Variants in SYNPR observed in about 807,000 individuals in gnomAD.
The protein encoded by SYNPR is synaptoporin.
Under a neutral mutation model 32.9 loss-of-function variants are expected in SYNPR, and 23 were observed. The ratio of observed to expected loss-of-function variants is 0.70; its 90% confidence interval spans 0.50 to 0.99. The LOEUF (loss-of-function observed/expected upper bound fraction) is 0.99. SYNPR is among the 50% of genes least tolerant of loss of function. The pLI, the probability that SYNPR is intolerant of heterozygous loss-of-function variation, is 0.00. For missense variants in SYNPR, 318 were observed against 349.3 expected, an observed-to-expected ratio of 0.91 and a Z score of 0.71; for synonymous variants, 146 against 135.9, an observed-to-expected ratio of 1.07 and a Z score of -0.52.
chr3:63,505,132 G>C (rs1282088889), intron 3 of SYNPR, among the ~76,000 whole-genome samples: 1 of 152,176 alleles, frequency 6.6e-6, no homozygotes, highest in African/African-American at 2.4e-5. Flanking sequence ...CCAGCACTGT[G>C]CCAAGCGCTT....
chr3:63,350,032 T>C (rs1435641146), intron 2 of SYNPR, among the ~76,000 whole-genome samples: 1 of 152,224 alleles, frequency 6.6e-6, no homozygotes, highest in Non-Finnish European at 1.5e-5. Flanking sequence ...TTGCAGTCTC[T>C]TTAAACTAAA....
At chr3:63,414,019 TATATAG>T (rs921419259) in intron 2 of SYNPR, among the ~76,000 whole-genome samples, 2 of 149,996 alleles carry the variant, frequency 1.3e-5, no homozygotes, top group Admixed American at 1.3e-4. Context: ...CATATATATA[TATATAG>T]AGAGAGAGAG....
intron 3 of SYNPR, among the ~76,000 whole-genome samples, chr3:63,529,518 G>A (rs1341147310): frequency 1.2e-4 from 19 of 152,058 alleles, no homozygotes; most frequent in East Asian, 1.9e-4. Flanking sequence ...TGGCTTCCCC[G>A]TGCTCCATAC....
intron 3 of SYNPR, among the ~76,000 whole-genome samples, chr3:63,512,118 TG>T (rs1175105659): frequency 1.3e-5 from 2 of 152,066 alleles, no homozygotes; most frequent in Non-Finnish European, 1.5e-5. Flanking sequence ...TATAAACAAA[TG>T]GGAAGAATCT....
chr3:63,249,344 T>C (rs1392043976), intron 1 of SYNPR, among the ~76,000 whole-genome samples: 20 of 152,156 alleles, frequency 1.3e-4, no homozygotes, highest in Non-Finnish European at 1.0e-4. Context: ...TGCGATAGTG[T>C]AGTCTTTTTG....
chr3:63,315,543 C>T (rs138381468), intron 2 of SYNPR, among the ~76,000 whole-genome samples: 29 of 151,796 alleles, frequency 1.9e-4, no homozygotes, highest in Non-Finnish European at 3.2e-4. Context: ...TCTGTTTGGT[C>T]GCTGTTGATG....
intron 2 of SYNPR, among the ~76,000 whole-genome samples, chr3:63,281,150 A>G (rs780154484): frequency 1.3e-5 from 2 of 152,176 alleles, no homozygotes; most frequent in Non-Finnish European, 1.5e-5. Flanking sequence ...GTGATTTCTT[A>G]TAGATGGTAG....
chr3:63,268,263 A>C (rs907567300), intron 3 of SYNPR, among the ~76,000 whole-genome samples: 1 of 152,236 alleles, frequency 6.6e-6, no homozygotes, highest in African/African-American at 2.4e-5. Context: ...TGATCAAATC[A>C]ATTGATCCAC....
intron 2 of SYNPR, among the ~76,000 whole-genome samples, chr3:63,391,941 TC>T (rs1452736919): frequency 6.6e-6 from 1 of 152,212 alleles, no homozygotes; most frequent in Non-Finnish European, 1.5e-5. Context: ...GTGATTTCTT[TC>T]TTAATGACCA....
intron 1 of SYNPR, among the ~76,000 whole-genome samples, chr3:63,240,567 G>A (rs1411098853): frequency 6.6e-6 from 1 of 152,066 alleles, no homozygotes; most frequent in Non-Finnish European, 1.5e-5. Flanking sequence ...AGGTGGGGGA[G>A]TAAGCGAGAG....
intron 2 of SYNPR, among the ~76,000 whole-genome samples, chr3:63,421,873 T>A (rs1699807512): frequency 6.6e-6 from 1 of 152,230 alleles, no homozygotes; most frequent in Admixed American, 6.5e-5. Flanking sequence ...TCTTCCAGGC[T>A]ACCAGGACAG....
intron 2 of SYNPR, chr3:63,445,623 G>T: frequency 1.5e-6 from 1 of 657,876 alleles, no homozygotes; most frequent in South Asian, 1.7e-5. Flanking sequence ...ATTTTACATG[G>T]CTTATCCCCT....
At chr3:63,554,002 G>T (rs935885301) in intron 3 of SYNPR, among the ~76,000 whole-genome samples, 1 of 152,172 alleles carries the variant, frequency 6.6e-6, no homozygotes, top group African/African-American at 2.4e-5. Flanking sequence ...GATTACAGGC[G>T]TGAGCCACCA....
chr3:63,579,272 G>A (rs1368420655), intron 4 of SYNPR, among the ~76,000 whole-genome samples: 1 of 151,940 alleles, frequency 6.6e-6, no homozygotes. Flanking sequence ...CCATCTCAGG[G>A]GCTCCCTGCC....
chr3:63,605,746 T>C (rs761942547), intron 4 of SYNPR, among the ~76,000 whole-genome samples: 4 of 152,148 alleles, frequency 2.6e-5, no homozygotes, highest in South Asian at 4.1e-4. Flanking sequence ...AATTTGAGCA[T>C]TGATTTGAAG....
At chr3:63,507,191 T>A (rs953062289) in intron 3 of SYNPR, among the ~76,000 whole-genome samples, 9 of 151,848 alleles carry the variant, frequency 5.9e-5, no homozygotes, top group Admixed American at 5.9e-4. Context: ...TTGGGCTCTT[T>A]ACCAACAGAT....
chr3:63,340,916 C>T (rs1052020478), intron 2 of SYNPR, among the ~76,000 whole-genome samples: 28 of 152,184 alleles, frequency 1.8e-4, no homozygotes, highest in South Asian at 1.5e-3. Flanking sequence ...TTAGGGTTTA[C>T]TCTTTGTGTT....
intron 4 of SYNPR, among the ~76,000 whole-genome samples, chr3:63,567,324 G>T (rs1047207022): frequency 6.6e-6 from 1 of 152,260 alleles, no homozygotes; most frequent in African/African-American, 2.4e-5. Context: ...AAGTGGAAGG[G>T]TGTAAAGAAC....
rs1553641163 is a variant in SYNPR at position 63,494,446 on chromosome 3, T to TAC, written c.209+13494_209+13495dup. ...ATATATATATATACGTATATATATA[T>TAC]ACACATATATATACATATATACACA... On this transcript the variant is annotated intron_variant, in intron 3 of 5. Transcript: ENST00000478300. Among the ~76,000 whole-genome samples, 52 of 106,866 alleles carry TAC rather than the reference T, an allele frequency of 4.9e-4. 1 individual carries two copies. Among genetic ancestry groups the TAC allele is most frequent in the East Asian group, 1.1e-3 (4 of 3,688 alleles). The allele number at this position is 106,866 out of a possible 152,430, so 70.1% of individuals were successfully genotyped here.
Sources: gnomAD v4.1 joint callset for allele counts (sites outside exome capture counted in the v4.1 genomes callset) on GRCh38, gnomAD v4.1.1 for gene constraint, MANE v1.5 for transcripts, NCBI Gene and HGNC (gene_info 2026-07-23, HGNC 2026-07-21) for gene names.